Variants in HACE1 observed in about 807,000 individuals in gnomAD.
The protein encoded by HACE1 is HECT domain and ankyrin repeat containing E3 ubiquitin protein ligase 1, also known as E3 ubiquitin-protein ligase HACE1.
Under a neutral mutation model 118.4 loss-of-function variants are expected in HACE1, and 73 were observed. That is an observed-to-expected ratio of 0.62 (90% CI 0.51 to 0.75). HACE1 has a LOEUF of 0.75. Ranked by LOEUF, HACE1 falls within the 30% of genes least tolerant of loss-of-function variation. HACE1 has a pLI of 0.00. For synonymous variants in HACE1, 368 were observed against 374.8 expected, an observed-to-expected ratio of 0.98 and a Z score of 0.21; for missense variants, 749 against 1,102.2, an observed-to-expected ratio of 0.68 and a Z score of 4.54.
At chr6:104,733,637 G>C (rs1174716459) in intron 22 of HACE1, among the ~76,000 whole-genome samples, 4 of 151,892 alleles carry the variant, frequency 2.6e-5, no homozygotes, top group Non-Finnish European at 5.9e-5. Context: ...TGGATCACTT[G>C]AGATCAGTAG....
At chr6:104,858,495 T>C in intron 1 of HACE1, 1 of 392,306 alleles carries the variant, frequency 2.5e-6, no homozygotes, top group Non-Finnish European at 5.0e-6. Context: ...AGCCCAGGAG[T>C]TCAAGACCAG....
At chr6:104,834,593 T>G (rs1774340651) in intron 5 of HACE1, among the ~76,000 whole-genome samples, 1 of 152,072 alleles carries the variant, frequency 6.6e-6, no homozygotes. Flanking sequence ...CCCACGGAAA[T>G]GAGAGTAAAG....
intron 17 of HACE1, among the ~76,000 whole-genome samples, chr6:104,774,124 C>T (rs1436365345): frequency 3.5e-5 from 3 of 84,818 alleles, no homozygotes; most frequent in Admixed American, 1.5e-4. Flanking sequence ...GAGTCTCGCT[C>T]TGTCGCCCAG....
intron 22 of HACE1, among the ~76,000 whole-genome samples, chr6:104,733,479 G>A (rs1332338949): frequency 2.0e-5 from 3 of 152,096 alleles, no homozygotes; most frequent in Non-Finnish European, 4.4e-5. Flanking sequence ...AAATAAAACA[G>A]TCTTTGGTTG....
At chr6:104,752,480 AT>A (rs1778166478) in intron 19 of HACE1, among the ~76,000 whole-genome samples, 1 of 151,844 alleles carries the variant, frequency 6.6e-6, no homozygotes, top group Non-Finnish European at 1.5e-5. Context: ...TTAATTATAT[AT>A]TATATTTTTT....
At chr6:104,781,378 T>C (rs1781729782) in intron 14 of HACE1, among the ~76,000 whole-genome samples, 1 of 152,194 alleles carries the variant, frequency 6.6e-6, no homozygotes, top group African/African-American at 2.4e-5. Flanking sequence ...TGCAGGCTTA[T>C]TTTATACTTT....
intron 4 of HACE1, among the ~76,000 whole-genome samples, chr6:104,846,207 A>G (rs1434527114): frequency 6.6e-6 from 1 of 152,208 alleles, no homozygotes; most frequent in Non-Finnish European, 1.5e-5. Flanking sequence ...GGGTCTGAAT[A>G]AGTCAAATCA....
At chr6:104,854,328 A>G (rs1776521415) in intron 1 of HACE1, among the ~76,000 whole-genome samples, 1 of 152,184 alleles carries the variant, frequency 6.6e-6, no homozygotes. Context: ...AGCTGGTGAA[A>G]TTTTAACAAA....
chr6:104,748,065 C>G (rs1303626638), intron 20 of HACE1, among the ~76,000 whole-genome samples: 1 of 151,430 alleles, frequency 6.6e-6, no homozygotes, highest in Non-Finnish European at 1.5e-5. Context: ...TAAAACAGGA[C>G]ACAAAAAGCT....
chr6:104,730,531 C>A (rs532524450), intron 22 of HACE1, 115 bp from the exon 23 acceptor site: 2 of 687,392 alleles, frequency 2.9e-6, no homozygotes, highest in African/African-American at 3.5e-5. Flanking sequence ...AATGACAACA[C>A]GACACTTTTT....
chr6:104,744,360 G>T, intron 21 of HACE1, 130 bp from the exon 22 acceptor site: 1 of 824,264 alleles, frequency 1.2e-6, no homozygotes, highest in Non-Finnish European at 2.1e-6. Context: ...ATGATTTCAT[G>T]CAAAGCTTTC....
rs533510976 is a variant in HACE1 at position 104,767,556 on chromosome 6, T to C, written c.2211+3637A>G. Among the ~76,000 whole-genome samples, 8 of 152,296 alleles carry C rather than the reference T, an allele frequency of 5.3e-5. No individual in the cohort carries two copies. The East Asian group carries it at 9.7e-4, about 18-fold the overall frequency. On this transcript the variant is annotated intron_variant, in intron 19 of 23. Transcript: ENST00000262903. Reference sequence around the variant, plus strand: ...TGTTTTCTTAACTGAAATTTGATCATGTCATTTCCCTCTTTAACATCTGCA... The same window carrying C: ...TGTTTTCTTAACTGAAATTTGATCACGTCATTTCCCTCTTTAACATCTGCA...
intron 6 of HACE1, among the ~76,000 whole-genome samples, chr6:104,821,600 T>C (rs1457502426): frequency 6.6e-6 from 1 of 152,206 alleles, no homozygotes; most frequent in Non-Finnish European, 1.5e-5. Context: ...TAATGCATCT[T>C]TCGAGGAAGG....
intron 22 of HACE1, among the ~76,000 whole-genome samples, chr6:104,733,880 C>CA (rs1196966259): frequency 6.6e-6 from 1 of 151,358 alleles, no homozygotes; most frequent in Non-Finnish European, 1.5e-5. Flanking sequence ...CAGCCGGACA[C>CA]AGTGATTCGC....
At position 104,785,193 on chromosome 6, in the gene HACE1, C is replaced by G; in HGVS notation, c.1201G>C (p.Asp401His). 2.5e-6 allele frequency: 4 copies of G among 1,613,998 alleles called. No homozygotes were observed. Among genetic ancestry groups the G allele is most frequent in the Non-Finnish European group, 3.4e-6 (4 of 1,179,922 alleles). ...ILLKQKGQDQDAASIPPFEPP... is the reference protein window; with the variant it reads ...ILLKQKGQDQHAASIPPFEPP... Reference sequence around the variant, plus strand: ...TCAAATGGAGGAATGGAAGCAGCATCTTGATCTTGGCCTTTTTGTTTCAGT... The same window carrying G: ...TCAAATGGAGGAATGGAAGCAGCATGTTGATCTTGGCCTTTTTGTTTCAGT... Residue 401 changes from aspartate to histidine, a missense_variant, in exon 12 of 24, where the codon GAT becomes CAT. Coordinates refer to ENST00000262903, the MANE Select transcript of HACE1 (RefSeq NM_020771.4).
intron 6 of HACE1, among the ~76,000 whole-genome samples, chr6:104,816,724 A>G (rs1245771010): frequency 6.6e-6 from 1 of 151,982 alleles, no homozygotes; most frequent in East Asian, 1.9e-4. Flanking sequence ...ACAATAGGAG[A>G]CCCACTGACA....
At chr6:104,729,879 C>A in intron 23 of HACE1, 115 bp from the exon 24 acceptor site, 1 of 692,124 alleles carries the variant, frequency 1.4e-6, no homozygotes, top group Admixed American at 2.1e-5. Flanking sequence ...CCCAAATTTG[C>A]ATTCAGATTG....
At chr6:104,757,250 A>C (rs987156082) in intron 19 of HACE1, among the ~76,000 whole-genome samples, 6 of 152,214 alleles carry the variant, frequency 3.9e-5, no homozygotes, top group Non-Finnish European at 8.8e-5. Context: ...GAGAACAGAC[A>C]GACTACCTCC....
intron 7 of HACE1, among the ~76,000 whole-genome samples, chr6:104,809,135 A>T (rs79083306): frequency 0.033 from 5,057 of 152,310 alleles, 289 homozygotes; most frequent in African/African-American, 0.12. Context: ...ATTCAAAAAC[A>T]TCTACTATGC....
Sources: allele counts gnomAD v4.1 joint callset (sites outside exome capture counted in the v4.1 genomes callset), GRCh38; gene constraint gnomAD v4.1.1; transcripts MANE v1.5; gene names NCBI Gene and HGNC (gene_info 2026-07-23, HGNC 2026-07-21).